Variants in MYH14 observed in about 807,000 individuals in gnomAD.
MYH14 encodes myosin-14.
A neutral mutation model predicts 255.5 loss-of-function variants in MYH14; 123 were observed. That is an observed-to-expected ratio of 0.48 (90% CI 0.42 to 0.56). The LOEUF (loss-of-function observed/expected upper bound fraction) is 0.56. Ranked by LOEUF, MYH14 falls within the 20% of genes least tolerant of loss-of-function variation. The probability of loss-of-function intolerance (pLI) is 0.00; values close to 1 mark genes in which losing one functional copy is unlikely to be tolerated. For synonymous variants in MYH14, 1,095 were observed against 1,161.2 expected (o/e 0.94, Z 1.16); for missense variants, 2,423 against 2,802.3 (o/e 0.86, Z 3.06).
chr19:50,241,475 C>T (rs538402989), intron 10 of MYH14, among the ~76,000 whole-genome samples: 1 of 152,070 alleles, frequency 6.6e-6, no homozygotes, highest in Non-Finnish European at 1.5e-5. Flanking sequence ...CAAACACAAA[C>T]ACAGCCTCAC....
At chr19:50,233,885 G>A (rs767067268) in intron 10 of MYH14, among the ~76,000 whole-genome samples, 3 of 143,964 alleles carry the variant, frequency 2.1e-5, no homozygotes, top group African/African-American at 5.2e-5. Context: ...GTGCAATCTC[G>A]GCTCACTGCA....
intron 41 of MYH14, among the ~76,000 whole-genome samples, chr19:50,307,490 G>GT: frequency 6.6e-6 from 1 of 152,226 alleles, no homozygotes; most frequent in African/African-American, 2.4e-5. Context: ...CATTTACTGT[G>GT]TTTAATTCTT....
intron 10 of MYH14, 150 bp downstream of exon 10, chr19:50,232,220 A>G: frequency 1.0e-6 from 1 of 979,886 alleles, no homozygotes; most frequent in Non-Finnish European, 1.5e-6. Flanking sequence ...TGAGGCTCAC[A>G]GACATCTCTG....
chr19:50,223,760 C>T (rs1298592816), intron 5 of MYH14, among the ~76,000 whole-genome samples: 5 of 152,090 alleles, frequency 3.3e-5, no homozygotes, highest in African/African-American at 9.7e-5. Flanking sequence ...GCACTGAAGA[C>T]GGAGAGCCCA....
chr19:50,276,266 A>G lies in MYH14; in HGVS notation c.3680+63A>G, dbSNP rs182475084. 5 of 1,244,812 alleles carry G rather than the reference A, an allele frequency of 4.0e-6. No homozygotes were observed. In the East Asian group the frequency reaches 1.3e-4, roughly 32 times the overall value. 77.1% of individuals were successfully genotyped at this position (1,244,812 alleles called of 1,614,324 possible). A position where few individuals can be genotyped will look rare whatever the true frequency, so the allele number is the denominator to read the frequency against. On this transcript the variant is annotated intron_variant, in intron 28 of 42. Transcript: ENST00000642316. This position sits in a 1 kb window ranked among gnomAD's most constrained non-coding sequence, Gnocchi z 4.3. The stretch of plus-strand genomic sequence containing the variant: ...ACATACAGGGCTGGGGGAAGGACTT[A>G]GGTACAAAGTCTCTGTCTATACAGA...
chr19:50,225,322 G>A (rs572175910), intron 6 of MYH14, among the ~76,000 whole-genome samples: 16 of 152,278 alleles, frequency 1.1e-4, no homozygotes, highest in African/African-American at 3.6e-4. Context: ...TAACATTGTA[G>A]ACATTGTTCT....
At position 50,250,049 on chromosome 19, in the gene MYH14, C is replaced by A. The variant is rs1356409930; in HGVS notation, c.1656+226C>A. Among the ~76,000 whole-genome samples, 2 of 152,244 alleles carry A rather than the reference C, an allele frequency of 1.3e-5. No homozygotes were observed. Among genetic ancestry groups the A allele is most frequent in the Non-Finnish European group, 2.9e-5 (2 of 68,048 alleles). ...GCTCAAATCAATCGGTTAATCAGAG[C>A]TCTCACCGTAACTGTTGTTCTCACG... On this transcript the variant is annotated intron_variant, in intron 14 of 42. Coordinates refer to ENST00000642316, the MANE Select transcript of MYH14 (RefSeq NM_001145809.2). This position sits in a 1 kb window ranked among gnomAD's most constrained non-coding sequence, Gnocchi z 5.4.
intron 41 of MYH14, 74 bp from the exon 42 acceptor site, chr19:50,308,931 T>C (rs1019188726): frequency 1.6e-5 from 22 of 1,404,658 alleles, no homozygotes; most frequent in Non-Finnish European, 2.9e-6. Flanking sequence ...GATGGGGCAG[T>C]AGTGGGCTGT....
chr19:50,227,085 A>G, intron 8 of MYH14, 119 bp downstream of exon 8: 1 of 499,138 alleles, frequency 2.0e-6, no homozygotes, highest in Non-Finnish European at 3.9e-6. Flanking sequence ...ATGGGACCTG[A>G]TGCTCAGGCG....
intron 15 of MYH14, among the ~76,000 whole-genome samples, chr19:50,251,361 A>G (rs2034362580): frequency 6.6e-6 from 1 of 152,180 alleles, no homozygotes; most frequent in Non-Finnish European, 1.5e-5. Context: ...GGAAAAAGAA[A>G]GGAAAAACAG....
At chr19:50,302,682 C>T (rs550197666) in intron 40 of MYH14, among the ~76,000 whole-genome samples, 160 of 152,062 alleles carry the variant, frequency 1.1e-3, no homozygotes, top group African/African-American at 3.4e-3. Flanking sequence ...GGGCAGATCA[C>T]CTGAGGTCGG....
In MYH14 at chr19:50,223,678, C is replaced by T. The variant is rs55929162; in HGVS notation, c.693+329C>T. Among the ~76,000 whole-genome samples the T allele has an allele frequency of 0.24, 35,861 of 152,130 alleles. 4,956 individuals are homozygous for T. The highest frequency in any genetic ancestry group is 0.39 in the South Asian group (1,873 of 4,820). ...TCGTCTAAGTGAATGTTATATGGTGCCCTCCACTGTTCCAAGCCCTGTTCT... is the reference window on the plus strand; with the variant it reads ...TCGTCTAAGTGAATGTTATATGGTGTCCTCCACTGTTCCAAGCCCTGTTCT... On this transcript the variant is annotated intron_variant, in intron 5 of 42. Transcript: ENST00000642316.
intron 30 of MYH14, among the ~76,000 whole-genome samples, chr19:50,279,468 T>C (rs898650026): frequency 1.3e-5 from 2 of 152,028 alleles, no homozygotes; most frequent in Non-Finnish European, 2.9e-5. Context: ...ACTTCGTCTC[T>C]ACTAAAAATA....
intron 2 of MYH14, among the ~76,000 whole-genome samples, chr19:50,211,487 A>C (rs1199582021): frequency 1.3e-5 from 2 of 152,220 alleles, no homozygotes; most frequent in Non-Finnish European, 2.9e-5. Flanking sequence ...AATAACAATA[A>C]AAATGAACAT....
chr19:50,289,336 C>T, intron 34 of MYH14, 100 bp from the exon 35 acceptor site: 1 of 944,580 alleles, frequency 1.1e-6, no homozygotes, highest in African/African-American at 1.6e-5. Context: ...ACTGACTTGC[C>T]ATCTCCCCAT....
chr19:50,246,837 G>A (rs1228725898), intron 11 of MYH14, among the ~76,000 whole-genome samples, 167 bp from the exon 12 acceptor site: 1 of 152,092 alleles, frequency 6.6e-6, no homozygotes, highest in Admixed American at 6.6e-5. Context: ...AAAAAAAATA[G>A]TTGGGCAGAG....
chr19:50,243,704 A>G (rs8100212), intron 10 of MYH14, among the ~76,000 whole-genome samples: 2,300 of 152,350 alleles, frequency 0.015, 79 homozygotes, highest in African/African-American at 0.053. Flanking sequence ...TCCCTTTTGC[A>G]CATAGATAGC....
intron 39 of MYH14, among the ~76,000 whole-genome samples, chr19:50,294,915 G>A (rs904159598): frequency 1.3e-5 from 2 of 151,846 alleles, no homozygotes; most frequent in Non-Finnish European, 2.9e-5. Context: ...AATGATCAAA[G>A]ATGGGATACT....
chr19:50,274,197 G>T (rs1282181020), intron 27 of MYH14, among the ~76,000 whole-genome samples: 1 of 152,124 alleles, frequency 6.6e-6, no homozygotes, highest in East Asian at 1.9e-4. Flanking sequence ...TTTTACTGAG[G>T]TGAAATTCAC....
Sources: gnomAD v4.1 joint callset for allele counts (sites outside exome capture counted in the v4.1 genomes callset) on GRCh38, gnomAD v4.1.1 for gene constraint, Gnocchi (gnomAD v3.1) non-coding constraint, MANE v1.5 for transcripts, NCBI Gene and HGNC (gene_info 2026-07-23, HGNC 2026-07-21) for gene names.